Variants in GSE1 observed in about 807,000 individuals in gnomAD.
GSE1 encodes the protein genetic suppressor element 1.
GSE1 carries 32 observed loss-of-function variants against 112.6 expected under a neutral mutation model. The observed-to-expected ratio is 0.28, with a 90% CI of 0.21 to 0.38. The LOEUF (loss-of-function observed/expected upper bound fraction) is 0.38. GSE1 is among the 10% of genes least tolerant of loss of function. The pLI, the probability that GSE1 is intolerant of heterozygous loss-of-function variation, is 1.00. For synonymous variants in GSE1, 1,115 were observed against 735.6 expected (o/e 1.52, Z -8.35); for missense variants, 2,348 against 1,699.2 (o/e 1.38, Z -6.71).
intron 1 of GSE1, among the ~76,000 whole-genome samples, chr16:85,572,278 C>T (rs1239610014): frequency 1.4e-5 from 2 of 145,818 alleles, no homozygotes; most frequent in African/African-American, 5.1e-5. Context: ...CACCAACACA[C>T]CACATACCCC....
Position 85,577,917 on chromosome 16 carries a change from G to A in GSE1, c.37+21554G>A, listed in dbSNP as rs925347950. 2.0e-5 allele frequency among the ~76,000 whole-genome samples: 3 copies of A among 152,234 alleles called. No individual in the cohort carries two copies. In the South Asian group the frequency reaches 6.2e-4, roughly 32 times the overall value. ...GTCAGCAGTACAGGTGCTGATGCCC[G>A]ATGGCCGTGCCTTTGCAGAGCCCGG... On this transcript the variant is annotated intron_variant, in intron 1 of 2. Coordinates refer to the GSE1 transcript ENST00000635906.
At chr16:85,230,868 T>TG (rs1374218546) in intron 1 of GSE1, among the ~76,000 whole-genome samples, 19 of 149,012 alleles carry the variant, frequency 1.3e-4, no homozygotes, top group East Asian at 6.0e-4. Context: ...GATGGATGGA[T>TG]GAGTGGACGG....
chr16:85,248,036 A>C (rs142826287), intron 1 of GSE1, among the ~76,000 whole-genome samples: 1,765 of 152,348 alleles, frequency 0.012, 49 homozygotes, highest in African/African-American at 0.04. Context: ...AGCTTACTTA[A>C]GGCCTGCCTG....
At chr16:85,266,706 G>T (rs771103075) in intron 1 of GSE1, among the ~76,000 whole-genome samples, 7 of 150,806 alleles carry the variant, frequency 4.6e-5, no homozygotes, top group Non-Finnish European at 1.0e-4. Flanking sequence ...GGTGAGGGCA[G>T]CATGAAGGAG....
chr16:85,609,014 C>G (rs968871488), upstream of GSE1, among the ~76,000 whole-genome samples: 1 of 152,206 alleles, frequency 6.6e-6, no homozygotes, highest in Admixed American at 6.5e-5. Flanking sequence ...GGGATCCATC[C>G]TCCGCCAGGG....
intron 1 of GSE1, among the ~76,000 whole-genome samples, chr16:85,267,949 G>A (rs1373822006): frequency 6.6e-6 from 1 of 152,126 alleles, no homozygotes; most frequent in South Asian, 2.1e-4. Context: ...TGGGAGATGG[G>A]GCTAATAGCA....
chr16:85,613,415 C>T lies in GSE1; in HGVS notation c.7+17C>T. On this transcript the variant is annotated intron_variant, in intron 1 of 15. Coordinates refer to ENST00000253458, the MANE Select transcript of GSE1 (RefSeq NM_014615.5). ...GCATGAAAGGTGAGCGCGCCGCACCCGGCCGGGGACGGGGTCCTCCCCCCT... is the reference window on the plus strand; with the variant it reads ...GCATGAAAGGTGAGCGCGCCGCACCTGGCCGGGGACGGGGTCCTCCCCCCT... 6.5e-6 allele frequency: 10 copies of T among 1,549,508 alleles called. No homozygotes were observed. Among genetic ancestry groups the T allele is most frequent in the East Asian group, 2.5e-5 (1 of 40,446 alleles).
intron 2 of GSE1, 45 bp downstream of exon 2, chr16:85,634,177 C>A (rs758978785): frequency 1.5e-6 from 2 of 1,314,254 alleles, no homozygotes; most frequent in South Asian, 1.6e-5. Context: ...CGGCGGCTCC[C>A]GAGGCCGGGA....
At chr16:85,478,915 CTTT>C (rs2050574039) in intron 2 of GSE1, among the ~76,000 whole-genome samples, 1 of 51,288 alleles carries the variant, frequency 1.9e-5, no homozygotes, top group African/African-American at 1.1e-4. Flanking sequence ...TTCTTTCTTT[CTTT>C]CTTTCTTTCT....
At chr16:85,562,825 A>T (rs1359910380) in intron 1 of GSE1, among the ~76,000 whole-genome samples, 1 of 152,238 alleles carries the variant, frequency 6.6e-6, no homozygotes, top group African/African-American at 2.4e-5. Context: ...AGCGGTCAGG[A>T]GACCTCGCAG....
intron 1 of GSE1, among the ~76,000 whole-genome samples, chr16:85,560,370 G>C (rs1397239176): frequency 6.6e-6 from 1 of 151,982 alleles, no homozygotes; most frequent in Non-Finnish European, 1.5e-5. Context: ...CTCTTGACCT[G>C]CCTTGGCCTC....
chr16:85,600,412 C>T (rs1307713589), intron 1 of GSE1, among the ~76,000 whole-genome samples: 2 of 151,954 alleles, frequency 1.3e-5, no homozygotes, highest in African/African-American at 2.4e-5. Flanking sequence ...GAAGGCCAGG[C>T]TGAGGGCTCT....
chr16:85,481,635 G>C (rs2050683963), intron 2 of GSE1, among the ~76,000 whole-genome samples: 1 of 152,148 alleles, frequency 6.6e-6, no homozygotes, highest in Non-Finnish European at 1.5e-5. Flanking sequence ...GCTTGATGTG[G>C]TCACTTTCCA....
chr16:85,492,752 T>TTC (rs2051050800), intron 2 of GSE1, among the ~76,000 whole-genome samples: 1 of 103,354 alleles, frequency 9.7e-6, no homozygotes, highest in Non-Finnish European at 2.0e-5. Context: ...CCCTGGGGGA[T>TTC]TCTGACACAT....
At chr16:85,388,547 A>T (rs1252600558) in intron 2 of GSE1, among the ~76,000 whole-genome samples, 1 of 106,972 alleles carries the variant, frequency 9.3e-6, no homozygotes, top group Admixed American at 9.3e-5. Context: ...TGGGTGGATG[A>T]ACAGATGGAT....
intron 1 of GSE1, among the ~76,000 whole-genome samples, chr16:85,230,053 G>A (rs1321897974): frequency 2.6e-5 from 4 of 152,210 alleles, no homozygotes; most frequent in Non-Finnish European, 4.4e-5. Context: ...GGGCAGGCTG[G>A]GCCAGTATGG....
At chr16:85,316,250 C>T (rs976368332) in intron 1 of GSE1, among the ~76,000 whole-genome samples, 2 of 152,262 alleles carry the variant, frequency 1.3e-5, no homozygotes, top group Non-Finnish European at 2.9e-5. Flanking sequence ...AATATATTCT[C>T]TCTAGCCTAA....
intron 2 of GSE1, among the ~76,000 whole-genome samples, chr16:85,645,566 G>A (rs1017061935): frequency 6.7e-6 from 1 of 149,860 alleles, no homozygotes; most frequent in Non-Finnish European, 1.5e-5. Context: ...CGGGATGCCT[G>A]TGGGGCCTCT....
intron 1 of GSE1, among the ~76,000 whole-genome samples, chr16:85,291,942 A>C (rs2045227384): frequency 6.6e-6 from 1 of 152,094 alleles, no homozygotes; most frequent in Admixed American, 6.5e-5. Context: ...CTTACATAGA[A>C]ATAAGGCAGC....
Sources: allele counts gnomAD v4.1 joint callset (sites outside exome capture counted in the v4.1 genomes callset), GRCh38; gene constraint gnomAD v4.1.1; transcripts MANE v1.5; gene names NCBI Gene and HGNC (gene_info 2026-07-23, HGNC 2026-07-21).